Variants in SMARCA5 observed in about 807,000 individuals in gnomAD.
The protein encoded by SMARCA5 is SWI/SNF-related matrix-associated actin-dependent regulator of chromatin subfamily A member 5.
Under a neutral mutation model 140.4 loss-of-function variants are expected in SMARCA5, and 18 were observed. The observed-to-expected ratio is 0.13, with a 90% confidence interval of 0.09 to 0.19. SMARCA5 has a LOEUF of 0.19. Among genes scored for constraint, SMARCA5 ranks in the 10% least tolerant of loss-of-function variants. The pLI, the probability that SMARCA5 is intolerant of heterozygous loss-of-function variation, is 1.00. For missense variants in SMARCA5, 606 were observed against 1,276.8 expected (o/e 0.47, Z 8.01); for synonymous variants, 449 against 419.6 (o/e 1.07, Z -0.86).
intron 13 of SMARCA5, among the ~76,000 whole-genome samples, chr4:143,540,093 AT>A (rs1362870003): frequency 6.6e-6 from 1 of 152,188 alleles, no homozygotes; most frequent in Non-Finnish European, 1.5e-5. Flanking sequence ...ATAGAAAAAC[AT>A]TTTGAATTTA....
At chr4:143,536,403 T>G in intron 10 of SMARCA5, 49 bp from the exon 11 acceptor site, 1 of 1,276,892 alleles carries the variant, frequency 7.8e-7, no homozygotes, top group Non-Finnish European at 1.1e-6. Context: ...GTGGCAGGGA[T>G]TGATCAAGGA....
At chr4:143,541,164 G>A (rs916820439) in intron 14 of SMARCA5, among the ~76,000 whole-genome samples, 2 of 152,154 alleles carry the variant, frequency 1.3e-5, no homozygotes, top group Admixed American at 1.3e-4. Context: ...AGCTTTTAAG[G>A]ATGACATAAT....
At chr4:143,539,061 A>G (rs1737373793) in intron 13 of SMARCA5, 123 bp downstream of exon 13, 2 of 836,436 alleles carry the variant, frequency 2.4e-6, no homozygotes, top group South Asian at 3.3e-5. Flanking sequence ...CTAATGGTTC[A>G]GTGAGAGTAT....
At chr4:143,519,205 A>G (rs1313425830) in intron 2 of SMARCA5, among the ~76,000 whole-genome samples, 1 of 152,042 alleles carries the variant, frequency 6.6e-6, no homozygotes, top group Non-Finnish European at 1.5e-5. Flanking sequence ...AATATCCAAA[A>G]CTGAATTCAT....
chr4:143,535,503 A>G (rs1028396210), intron 10 of SMARCA5, among the ~76,000 whole-genome samples: 2 of 152,170 alleles, frequency 1.3e-5, no homozygotes, highest in African/African-American at 4.8e-5. Flanking sequence ...AAAGGACTTA[A>G]TATCATATAG....
chr4:143,520,207 T>C (rs1269832215), intron 2 of SMARCA5, among the ~76,000 whole-genome samples: 2 of 152,214 alleles, frequency 1.3e-5, no homozygotes, highest in African/African-American at 4.8e-5. Flanking sequence ...TCCAAACATC[T>C]TGTAGATGCG....
At chr4:143,520,352 A>T (rs1560811148) in intron 2 of SMARCA5, among the ~76,000 whole-genome samples, 1 of 152,196 alleles carries the variant, frequency 6.6e-6, no homozygotes, top group Non-Finnish European at 1.5e-5. Flanking sequence ...GAGGCTTGTC[A>T]TCTGTAGGAC....
Position 143,521,893 on chromosome 4 carries a change from CAAAAAAAAAAA to C in SMARCA5, c.419+312_419+322del, listed in dbSNP as rs58679947. 2.5e-3 allele frequency among the ~76,000 whole-genome samples: 111 copies of C among 44,806 alleles called. 1 individual carries two copies. The highest frequency in any genetic ancestry group is 1.2e-3 in the Non-Finnish European group (27 of 22,998). 29.4% of individuals were successfully genotyped at this position (44,806 alleles called of 152,430 possible). On this transcript the variant is annotated intron_variant, in intron 3 of 23. Coordinates refer to ENST00000283131, the MANE Select transcript of SMARCA5 (RefSeq NM_003601.4). ...GCAACGTAGGGAGATCCCATCTCTA[CAAAAAAAAAAA>C]AAAAAAAAAAAAAGAATAAAACTGC...
chr4:143,521,669 T>C (rs1322012171), intron 3 of SMARCA5, 74 bp downstream of exon 3: 2 of 1,270,826 alleles, frequency 1.6e-6, no homozygotes, highest in Non-Finnish European at 2.2e-6. Flanking sequence ...ATAAAATCAC[T>C]ATGATAAATA....
In SMARCA5 at chr4:143,540,480, A is replaced by G. The variant is rs757181579; in HGVS notation, c.1888A>G (p.Ile630Val). ...RAEMKLRLDS[I>V]VIQQGRLVDQ... ...TGAGATGAAACTCAGACTGGATTCA[A>G]TAGTCATTCAACAAGGTAAGCCATG... Residue 630 changes from isoleucine (I) to valine (V), a missense_variant, in exon 14 of 24, where the codon ATA (isoleucine) becomes GTA (valine). Physicochemically the swap from Ile to Val is conservative, Grantham distance 29. Around this residue, in one of 10 missense-constraint regions of SMARCA5, gnomAD observed 62 missense variants for 256.6 expected, o/e 0.24. Transcript: ENST00000283131. The G allele has an allele frequency of 1.2e-6, 2 of 1,611,448 alleles. No individual in the cohort carries two copies. The highest frequency in any genetic ancestry group is 8.5e-7 in the Non-Finnish European group (1 of 1,179,122).
At chr4:143,541,241 G>A (rs1737419597) in intron 14 of SMARCA5, among the ~76,000 whole-genome samples, 1 of 152,124 alleles carries the variant, frequency 6.6e-6, no homozygotes, top group East Asian at 1.9e-4. Flanking sequence ...AAAGGGGTGG[G>A]AAACTTAATA....
Position 143,547,548 on chromosome 4 carries a change from T to G in SMARCA5, c.2772+45T>G, listed in dbSNP as rs200496163. Reference sequence around the variant, plus strand: ...GTTAGGTAGTTAATAAAATAACTCCTAGCTGTGAGTATGAGAGAGTGACTT... The same window carrying G: ...GTTAGGTAGTTAATAAAATAACTCCGAGCTGTGAGTATGAGAGAGTGACTT... On this transcript the variant is annotated intron_variant, in intron 21 of 23. Transcript: ENST00000283131. The G allele has an allele frequency of 6.5e-5, 63 of 976,030 alleles. No individual in the cohort carries two copies. In the African/African-American group the frequency reaches 9.5e-4, roughly 15 times the overall value. 60.5% of individuals were successfully genotyped at this position (976,030 alleles called of 1,614,324 possible). A position where few individuals can be genotyped will look rare whatever the true frequency, so the allele number is the denominator to read the frequency against.
intron 18 of SMARCA5, 60 bp from the exon 19 acceptor site, chr4:143,545,865 T>C: frequency 6.9e-7 from 1 of 1,443,832 alleles, no homozygotes; most frequent in Non-Finnish European, 9.5e-7. Flanking sequence ...GTCAGTTAGT[T>C]GGTTCATCAC....
chr4:143,531,338 A>G (rs546513392), intron 9 of SMARCA5, among the ~76,000 whole-genome samples: 44 of 152,352 alleles, frequency 2.9e-4, no homozygotes, highest in Middle Eastern at 3.4e-3. Context: ...GTTCACAAGT[A>G]AAAGTTGGTA....
At chr4:143,539,533 CT>C (rs1737385998) in intron 13 of SMARCA5, among the ~76,000 whole-genome samples, 1 of 90,376 alleles carries the variant, frequency 1.1e-5, no homozygotes, top group Non-Finnish European at 2.0e-5. Flanking sequence ...TCATTAGTCA[CT>C]TTCTTTTTTT....
rs1187206455 is a variant in SMARCA5 at position 143,525,415 on chromosome 4, C to T, written c.521-36C>T. ...GAAGAGATTGCCTTGTATTTCTTGT[C>T]TTAAAATGCCTATTGTGCTTTTCTT... On this transcript the variant is annotated intron_variant, in intron 4 of 23. Coordinates refer to ENST00000283131, the MANE Select transcript of SMARCA5 (RefSeq NM_003601.4). 13 of 1,304,646 alleles carry T rather than the reference C, an allele frequency of 1.0e-5. No individual in the cohort carries two copies. The East Asian group carries it at 1.6e-4, about 16-fold the overall frequency. 80.8% of individuals were successfully genotyped at this position (1,304,646 alleles called of 1,614,324 possible). A position where few individuals can be genotyped will look rare whatever the true frequency, so the allele number is the denominator to read the frequency against.
chr4:143,556,322 C>T lies in SMARCA5; in HGVS notation c.*3138C>T, dbSNP rs763263320. On this transcript the variant is annotated 3_prime_UTR_variant, in exon 24 of 24. Transcript: ENST00000283131. ...TTTGGCTTAGTACCTTTCTTAATCTCGATCTTAAAAAGCATTGTAAAACAC... is the reference window on the plus strand; with the variant it reads ...TTTGGCTTAGTACCTTTCTTAATCTTGATCTTAAAAAGCATTGTAAAACAC... 1.1e-4 allele frequency: 17 copies of T among 152,204 alleles called. No homozygotes were observed. The South Asian group carries it at 2.3e-3, about 20-fold the overall frequency. The allele number at this position is 152,204 out of a possible 1,614,324, so 9.4% of individuals were successfully genotyped here. A position where few individuals can be genotyped will look rare whatever the true frequency, so the allele number is the denominator to read the frequency against.
chr4:143,514,079 G>A lies in SMARCA5; in HGVS notation c.155G>A (p.Gly52Asp). 1 of 1,555,910 alleles carries A rather than the reference G, an allele frequency of 6.4e-7. No homozygotes were observed. Among genetic ancestry groups the A allele is most frequent in the Non-Finnish European group, 8.6e-7 (1 of 1,159,248 alleles). Residue 52 changes from glycine (G) to aspartate (D), a missense_variant, in exon 1 of 24, where the codon GGT (glycine) becomes GAT (aspartate). Around this residue, in one of 10 missense-constraint regions of SMARCA5, gnomAD observed 164 missense variants for 128.4 expected, o/e 1.28. Transcript: ENST00000283131. ...AQAVASAASA[G>D]PADAEMEEIF... ...GCGGTTGCGTCTGCGGCCAGCGCTGGTCCCGCAGACGCCGAGATGGAGGTG... is the reference window on the plus strand; with the variant it reads ...GCGGTTGCGTCTGCGGCCAGCGCTGATCCCGCAGACGCCGAGATGGAGGTG...
In SMARCA5 at chr4:143,531,035, C is replaced by T. The variant is rs569580665; in HGVS notation, c.1158+509C>T. On this transcript the variant is annotated intron_variant, in intron 9 of 23. Coordinates refer to ENST00000283131, the MANE Select transcript of SMARCA5 (RefSeq NM_003601.4). ...TTCACCATGTTGCCCAGGCTAATCT[C>T]GAACTTCTGAACTCAAGTTATCAAC... Among the ~76,000 whole-genome samples the T allele has an allele frequency of 1.3e-3, 200 of 152,232 alleles. 1 individual carries two copies. Among genetic ancestry groups the T allele is most frequent in the Middle Eastern group, 6.8e-3 (2 of 294 alleles).
Sources: allele counts gnomAD v4.1 joint callset (sites outside exome capture counted in the v4.1 genomes callset), GRCh38; gene constraint gnomAD v4.1.1; regional missense constraint gnomAD v4.1.1; transcripts MANE v1.5; gene names NCBI Gene and HGNC (gene_info 2026-07-23, HGNC 2026-07-21).